MAMLD1: variants seen among roughly 807,000 people sequenced by gnomAD.
The protein encoded by MAMLD1 is mastermind-like domain-containing protein 1.
Under a neutral mutation model 45.0 loss-of-function variants are expected in MAMLD1, and 14 were observed. The ratio of observed to expected loss-of-function variants is 0.31; its 90% CI spans 0.21 to 0.49. The LOEUF is 0.49. Ranked by LOEUF, MAMLD1 falls within the 20% of genes least tolerant of loss-of-function variation. The pLI is 0.99. For synonymous variants in MAMLD1, 254 were observed against 247.8 expected, an observed-to-expected ratio of 1.02 and a Z score of -0.24; for missense variants, 543 against 603.6, an observed-to-expected ratio of 0.90 and a Z score of 1.05.
intron 5 of MAMLD1, among the ~76,000 whole-genome samples, chrX:150,495,744 G>A (rs5970302): frequency 0.018 from 1,965 of 111,992 alleles, 41 homozygotes; most frequent in African/African-American, 0.06. Context: ...ACCCCATTAC[G>A]CTGACCATGT....
chrX:150,426,644 A>T (rs2034714885), intron 1 of MAMLD1, among the ~76,000 whole-genome samples: 1 of 111,730 alleles, frequency 9.0e-6, no homozygotes, highest in Non-Finnish European at 1.9e-5. Context: ...AATAATAAGA[A>T]TCCAGAGCTA....
chrX:150,420,511 T>C (rs369574074), intron 1 of MAMLD1, among the ~76,000 whole-genome samples: 6 of 111,910 alleles, frequency 5.4e-5, no homozygotes, highest in South Asian at 3.7e-4. Context: ...GGAGGAGAGG[T>C]GCTCTGCTTT....
intron 1 of MAMLD1, among the ~76,000 whole-genome samples, chrX:150,414,927 A>G (rs139110905): frequency 0.034 from 3,811 of 111,510 alleles, 175 homozygotes; most frequent in African/African-American, 0.12. Flanking sequence ...CATATAGACA[A>G]GTAGAGGTAT....
At chrX:150,379,429 G>C (rs932428794) in intron 1 of MAMLD1, among the ~76,000 whole-genome samples, 1 of 111,788 alleles carries the variant, frequency 8.9e-6, no homozygotes, top group African/African-American at 3.3e-5. Flanking sequence ...CTGTTAAAAA[G>C]TTACCTGGGC....
chrX:150,400,169 G>A lies in MAMLD1; in HGVS notation c.-64+36639G>A, dbSNP rs782455163. ...TTTTGTGCAGAATGGAAGTTCCCTG[G>A]GGAGGTCAGAACTCAGAACTTCCAG... is the stretch of plus-strand genomic sequence containing the variant. On this transcript the variant is annotated intron_variant, in intron 1 of 7. Coordinates refer to ENST00000370401, the MANE Select transcript of MAMLD1 (RefSeq NM_005491.5). Among the ~76,000 whole-genome samples the A allele has an allele frequency of 3.6e-5, 4 of 111,806 alleles. No individual in the cohort carries two copies. In the East Asian group the frequency reaches 1.1e-3, roughly 32 times the overall value.
chrX:150,437,422 C>G (rs1602796639), intron 1 of MAMLD1, among the ~76,000 whole-genome samples: 1 of 111,957 alleles, frequency 8.9e-6, no homozygotes, highest in East Asian at 2.8e-4. Context: ...TGTTGAATAT[C>G]AGTGTCAAGA....
chrX:150,456,627 T>G, intron 2 of MAMLD1, among the ~76,000 whole-genome samples: 1 of 111,967 alleles, frequency 8.9e-6, no homozygotes, highest in East Asian at 2.8e-4. Context: ...AGAAGCCGCA[T>G]CCTGTATGTG....
chrX:150,512,562 C>A lies in MAMLD1; in HGVS notation c.*603C>A. 8.7e-7 allele frequency: 1 copy of A among 1,155,861 alleles called. No homozygotes were observed. The highest frequency in any genetic ancestry group is 1.1e-6 in the Non-Finnish European group (1 of 872,759). ...GATTGGGAGGCACAAGTGCCCGCTG[C>A]GATGGGAACACAAGTGCCCCTGGCC... On this transcript the variant is annotated 3_prime_UTR_variant, in exon 8 of 8. Coordinates refer to ENST00000370401, the MANE Select transcript of MAMLD1 (RefSeq NM_005491.5).
chrX:150,361,608 G>T (rs1037982841), upstream of MAMLD1: 6 of 112,637 alleles, frequency 5.3e-5, no homozygotes, highest in African/African-American at 1.9e-4. Context: ...CAGAGGTGCG[G>T]ACAGGAGCTG....
At chrX:150,499,910 G>A (rs1557408453) in intron 5 of MAMLD1, among the ~76,000 whole-genome samples, 1 of 111,887 alleles carries the variant, frequency 8.9e-6, no homozygotes, top group Admixed American at 9.5e-5. Flanking sequence ...TAAAATGAGA[G>A]TAAAGGCTCA....
intron 5 of MAMLD1, among the ~76,000 whole-genome samples, chrX:150,498,911 C>T (rs1928173423): frequency 1.8e-5 from 2 of 112,386 alleles, no homozygotes; most frequent in African/African-American, 6.5e-5. Flanking sequence ...TTTCCTGTTT[C>T]CCCGGTGCAT....
chrX:150,491,858 G>A (rs1407471289), intron 5 of MAMLD1, among the ~76,000 whole-genome samples: 3 of 112,068 alleles, frequency 2.7e-5, no homozygotes, highest in East Asian at 2.8e-4. Flanking sequence ...TACCTTTTTC[G>A]TCTCAGACCT....
At chrX:150,435,508 T>C (rs2035095928) in intron 1 of MAMLD1, among the ~76,000 whole-genome samples, 1 of 109,015 alleles carries the variant, frequency 9.2e-6, no homozygotes, top group Non-Finnish European at 1.9e-5. Flanking sequence ...AGAGAGACTC[T>C]GTCTCAAAAA....
chrX:150,470,950 C>T lies in MAMLD1; in HGVS notation c.1377C>T (p.Arg459=), dbSNP rs782397860. ...ACCCTGGGCCGTCCCCACCCTATCG[C>T]CCAGAGAAGCTCTCTAGCCCAGGCT... ...ASNPGPSPPY[R]PEKLSSPGLP... The change falls in exon 4 of 8, where the codon CGC becomes CGT. Residue 459 remains arginine, a synonymous_variant. Coordinates refer to ENST00000370401, the MANE Select transcript of MAMLD1 (RefSeq NM_005491.5). The T allele has an allele frequency of 5.8e-6, 7 of 1,210,205 alleles. No individual in the cohort carries two copies. The highest frequency in any genetic ancestry group is 6.7e-6 in the Non-Finnish European group (6 of 895,317).
chrX:150,465,889 G>C (rs948640462), intron 3 of MAMLD1, among the ~76,000 whole-genome samples: 10 of 112,570 alleles, frequency 8.9e-5, no homozygotes, highest in Admixed American at 7.5e-4. Flanking sequence ...CTGGGAGCTT[G>C]GTTGGGGACC....
chrX:150,491,204 GAGGAAACTGAGGC>G (rs2037175975), intron 5 of MAMLD1, among the ~76,000 whole-genome samples: 1 of 111,632 alleles, frequency 9.0e-6, no homozygotes, highest in Non-Finnish European at 1.9e-5. Flanking sequence ...CCTTTTGCAT[GAGGAAACTGAGGC>G]TTAGAGAGGT....
chrX:150,427,463 A>G (rs192205799), intron 1 of MAMLD1, among the ~76,000 whole-genome samples: 74 of 111,807 alleles, frequency 6.6e-4, no homozygotes, highest in African/African-American at 2.1e-3. Flanking sequence ...CTAATATTCA[A>G]TGTCTTCTGC....
intron 5 of MAMLD1, among the ~76,000 whole-genome samples, chrX:150,481,904 G>C (rs1236759410): frequency 2.9e-5 from 3 of 101,887 alleles, no homozygotes; most frequent in Non-Finnish European, 6.0e-5. Flanking sequence ...AAGAAAGAAA[G>C]AGAGACAGAG....
At chrX:150,401,987 T>A (rs1158662476) in intron 1 of MAMLD1, among the ~76,000 whole-genome samples, 1 of 111,724 alleles carries the variant, frequency 9.0e-6, no homozygotes, top group Non-Finnish European at 1.9e-5. Flanking sequence ...AACCTAGGCA[T>A]TACCATTCAG....
Sources: gnomAD v4.1 joint callset for allele counts (sites outside exome capture counted in the v4.1 genomes callset) on GRCh38, gnomAD v4.1.1 for gene constraint, MANE v1.5 for transcripts, NCBI Gene and HGNC (gene_info 2026-07-23, HGNC 2026-07-21) for gene names.